ARID4B: variants seen among roughly 807,000 people sequenced by gnomAD.
ARID4B encodes the protein AT-rich interactive domain-containing protein 4B.
A neutral mutation model predicts 147.5 loss-of-function variants in ARID4B; 26 were observed. The observed-to-expected ratio is 0.18, with a 90% confidence interval of 0.13 to 0.24. ARID4B has a LOEUF of 0.24. Among genes scored for constraint, ARID4B ranks in the 10% least tolerant of loss-of-function variants. The pLI is 1.00. For synonymous variants in ARID4B, 512 were observed against 507.9 expected, an observed-to-expected ratio of 1.01 and a Z score of -0.11; for missense variants, 1,179 against 1,511.5, an observed-to-expected ratio of 0.78 and a Z score of 3.65.
At chr1:235,303,926 T>C (rs1673364442) in intron 2 of ARID4B, among the ~76,000 whole-genome samples, 1 of 8,178 alleles carries the variant, frequency 1.2e-4, no homozygotes, top group African/African-American at 5.8e-4. Context: ...CTACAATATA[T>C]TACAGGTATT....
rs1351501231 is a variant in ARID4B at position 235,229,295 on chromosome 1, G to A, written c.833C>T (p.Ala278Val). The change falls in exon 11 of 24, where the codon GCA (alanine) becomes GTA (valine). Residue 278 changes from alanine (A) to valine (V), a missense_variant. This residue lies in a region of ARID4B where 159 missense variants were observed against 190.5 expected (regional missense o/e 0.83). Transcript: ENST00000264183. ...ELKEDSSSSEAEEEEEEEDDE... is the reference protein window; with the variant it reads ...ELKEDSSSSEVEEEEEEEDDE... ...ATCTTCCTCCTCCTCTTCTTCCTCT[G>A]CTTCACTGCTAGAGCTATCTTCTTT... is the stretch of plus-strand genomic sequence containing the variant. The A allele has an allele frequency of 6.2e-7, 1 of 1,612,736 alleles. No individual in the cohort carries two copies. Among genetic ancestry groups the A allele is most frequent in the Admixed American group, 1.7e-5 (1 of 59,900 alleles).
intron 6 of ARID4B, among the ~76,000 whole-genome samples, chr1:235,249,340 T>A (rs543168949): frequency 1.1e-4 from 17 of 151,880 alleles, no homozygotes; most frequent in East Asian, 3.9e-4. Flanking sequence ...CTCAAAAAAA[T>A]AAATAAATAA....
chr1:235,323,810 G>C (rs1436079298), intron 2 of ARID4B, among the ~76,000 whole-genome samples: 3 of 150,566 alleles, frequency 2.0e-5, no homozygotes, highest in Admixed American at 6.6e-5. Flanking sequence ...AAATCAACCT[G>C]ACATAATAAA....
chr1:235,211,328 T>TGGAAGGAAGGAGGGAAGGAG (rs1558205982), intron 17 of ARID4B, among the ~76,000 whole-genome samples: 1 of 151,620 alleles, frequency 6.6e-6, no homozygotes, highest in Non-Finnish European at 1.5e-5. Flanking sequence ...TGAAACTCCG[T>TGGAAGGAAGGAGGGAAGGAG]GGAAGGAAGG....
intron 8 of ARID4B, among the ~76,000 whole-genome samples, chr1:235,236,862 A>ATATATATATTTT (rs1426582533): frequency 5.7e-5 from 1 of 17,490 alleles, no homozygotes; most frequent in Non-Finnish European, 9.4e-5. Context: ...ATATATATAT[A>ATATATATATTTT]TTTTTTTTTT....
chr1:235,205,707 C>G (rs947309268), intron 17 of ARID4B, among the ~76,000 whole-genome samples: 1 of 151,932 alleles, frequency 6.6e-6, no homozygotes, highest in East Asian at 1.9e-4. Context: ...TCAAAAATGG[C>G]AAAAACTTGA....
intron 19 of ARID4B, among the ~76,000 whole-genome samples, chr1:235,186,809 C>T (rs2102938023): frequency 6.6e-6 from 1 of 152,190 alleles, no homozygotes; most frequent in African/African-American, 2.4e-5. Context: ...AATTCTCATG[C>T]TTCTGCCTCC....
At chr1:235,290,821 G>A (rs1007318349) in intron 2 of ARID4B, among the ~76,000 whole-genome samples, 2 of 152,364 alleles carry the variant, frequency 1.3e-5, no homozygotes, top group Middle Eastern at 3.4e-3. Flanking sequence ...TAACAGCCAG[G>A]TGTGGAGGCT....
intron 14 of ARID4B, 90 bp from the exon 15 acceptor site, chr1:235,220,635 T>A (rs1384748785): frequency 9.6e-7 from 1 of 1,045,324 alleles, no homozygotes; most frequent in Non-Finnish European, 1.3e-6. Context: ...TTCTTTTGTC[T>A]AAACTCTCAG....
chr1:235,193,017 C>T (rs1181318613), intron 19 of ARID4B, among the ~76,000 whole-genome samples: 1 of 151,232 alleles, frequency 6.6e-6, no homozygotes, highest in Admixed American at 6.6e-5. Context: ...AGTGTGAACC[C>T]GGGAGGTGGA....
At position 235,191,972 on chromosome 1, in the gene ARID4B, G is replaced by C. The variant is rs147844497; in HGVS notation, c.2125+2041C>G. Among the ~76,000 whole-genome samples the C allele has an allele frequency of 8.7e-4, 133 of 152,192 alleles. 2 individuals carry two copies. Among genetic ancestry groups the C allele is most frequent in the African/African-American group, 3.0e-3 (126 of 41,532 alleles). On this transcript the variant is annotated intron_variant, in intron 19 of 23. Coordinates refer to ENST00000264183, the MANE Select transcript of ARID4B (RefSeq NM_016374.6). ...ACACACCTGTAGTTCCAGCTACTTAGGAGGCTGAGATGGAAAGGTCGCTTG... is the reference window on the plus strand; with the variant it reads ...ACACACCTGTAGTTCCAGCTACTTACGAGGCTGAGATGGAAAGGTCGCTTG...
chr1:235,279,457 G>A (rs879348016), intron 2 of ARID4B, among the ~76,000 whole-genome samples: 5 of 151,984 alleles, frequency 3.3e-5, no homozygotes, highest in African/African-American at 1.2e-4. Flanking sequence ...AATAAAATAC[G>A]GCCATAAAGG....
At chr1:235,261,189 T>C (rs1004628846) in intron 2 of ARID4B, among the ~76,000 whole-genome samples, 2 of 152,214 alleles carry the variant, frequency 1.3e-5, no homozygotes, top group African/African-American at 4.8e-5. Flanking sequence ...AGATTCAGAA[T>C]AGCTCTGTTA....
intron 2 of ARID4B, among the ~76,000 whole-genome samples, chr1:235,291,123 G>C (rs753241302): frequency 6.6e-6 from 1 of 152,196 alleles, no homozygotes; most frequent in South Asian, 2.1e-4. Context: ...TAGGCCAGGC[G>C]TGGTGGCTCA....
At chr1:235,176,866 G>A (rs774396690) in intron 21 of ARID4B, 11 of 470,950 alleles carry the variant, frequency 2.3e-5, no homozygotes, top group South Asian at 1.7e-4. Context: ...GGTGGCAGGA[G>A]TCTCCTGGAA....
chr1:235,218,779 TTA>T (rs1380554983), intron 16 of ARID4B, among the ~76,000 whole-genome samples: 1 of 152,148 alleles, frequency 6.6e-6, no homozygotes, highest in African/African-American at 2.4e-5. Context: ...TAAACATTTT[TTA>T]CTATATTCAT....
chr1:235,309,952 G>C (rs1673929437), intron 2 of ARID4B, among the ~76,000 whole-genome samples: 1 of 152,114 alleles, frequency 6.6e-6, no homozygotes, highest in African/African-American at 2.4e-5. Context: ...TGCAAGATGT[G>C]CTTTGTTAAA....
chr1:235,229,224 CACTT>C lies in ARID4B; in HGVS notation c.897+3_897+6del. ...AATTTTAAAAGGTATCAACTGTTTT[CACTT>C]ACTTCTTCTTCACTGCTATTATCCT... On this transcript the variant is annotated splice_donor_5th_base_variant and intron_variant, in intron 11 of 23. Transcript: ENST00000264183. 2 of 1,607,990 alleles carry C rather than the reference CACTT, an allele frequency of 1.2e-6. No homozygotes were observed. Among genetic ancestry groups the C allele is most frequent in the Non-Finnish European group, 1.7e-6 (2 of 1,178,132 alleles).
rs12049405 is a variant in ARID4B at position 235,264,779 on chromosome 1, T to C, written c.7-4027A>G. Among the ~76,000 whole-genome samples the C allele has an allele frequency of 9.8e-4, 150 of 152,320 alleles. 2 individuals carry two copies. In the East Asian group the frequency reaches 0.017, roughly 18 times the overall value. ...TCGAGGGGCAAAACCACATTTTGGC[T>C]GGGCAAGGTGGCTCATGCCTGTAAT... is the stretch of plus-strand genomic sequence containing the variant. On this transcript the variant is annotated intron_variant, in intron 2 of 23. Coordinates refer to ENST00000264183, the MANE Select transcript of ARID4B (RefSeq NM_016374.6).
Sources: gnomAD v4.1 joint callset for allele counts (sites outside exome capture counted in the v4.1 genomes callset) on GRCh38, gnomAD v4.1.1 for gene constraint, gnomAD v4.1.1 regional missense constraint, MANE v1.5 for transcripts, NCBI Gene and HGNC (gene_info 2026-07-23, HGNC 2026-07-21) for gene names.